LINGO2: variants seen among roughly 807,000 people sequenced by gnomAD.
The protein encoded by LINGO2 is leucine-rich repeat and immunoglobulin-like domain-containing nogo receptor-interacting protein 2.
LINGO2 carries 14 observed loss-of-function variants against 30.6 expected under a neutral mutation model. That is an observed-to-expected ratio of 0.46 (90% CI 0.30 to 0.72). The LOEUF is 0.72. LINGO2 is among the 30% of genes least tolerant of loss of function. The pLI is 0.07. For missense variants in LINGO2, 729 were observed against 751.7 expected, an observed-to-expected ratio of 0.97 and a Z score of 0.35; for synonymous variants, 317 against 288.5, an observed-to-expected ratio of 1.10 and a Z score of -1.00.
chr9:28,666,502 T>A (rs1189917701), intron 1 of LINGO2, among the ~76,000 whole-genome samples: 7 of 152,190 alleles, frequency 4.6e-5, no homozygotes. Flanking sequence ...TGCTTTAAAA[T>A]GGCTCTAAAA....
the LINGO2 span, among the ~76,000 whole-genome samples, chr9:28,769,395 T>C: frequency 7.0e-6 from 1 of 143,318 alleles, no homozygotes; most frequent in East Asian, 2.0e-4. Context: ...TTTCTTTAAG[T>C]ACAAGACATT....
chr9:29,027,360 CAG>C, the LINGO2 span, among the ~76,000 whole-genome samples: 154 of 152,228 alleles, frequency 1.0e-3, no homozygotes, highest in Non-Finnish European at 1.6e-3. Flanking sequence ...TTATTTGAGA[CAG>C]AGTCTCGCAT....
chr9:28,062,437 T>C (rs1429897828), intron 4 of LINGO2, among the ~76,000 whole-genome samples: 1 of 144,188 alleles, frequency 6.9e-6, no homozygotes, highest in Non-Finnish European at 1.5e-5. Flanking sequence ...ATATACTATA[T>C]ACATATATAT....
chr9:28,171,803 T>C (rs1427877571), intron 4 of LINGO2, among the ~76,000 whole-genome samples: 8 of 148,708 alleles, frequency 5.4e-5, no homozygotes, highest in Non-Finnish European at 1.2e-4. Context: ...GGTCAGGAGA[T>C]GGACACCATG....
At chr9:28,443,810 A>G (rs1166641704) in intron 2 of LINGO2, among the ~76,000 whole-genome samples, 5 of 152,260 alleles carry the variant, frequency 3.3e-5, no homozygotes, top group African/African-American at 7.2e-5. Context: ...TGGTGGCAGG[A>G]GGCAGACAGG....
At chr9:28,702,150 C>T in the LINGO2 span, among the ~76,000 whole-genome samples, 2 of 151,830 alleles carry the variant, frequency 1.3e-5, no homozygotes, top group Non-Finnish European at 2.9e-5. Context: ...GACATCAAGT[C>T]CCATTATGTT....
chr9:28,077,960 G>C (rs1825673342), intron 4 of LINGO2, among the ~76,000 whole-genome samples: 1 of 149,156 alleles, frequency 6.7e-6, no homozygotes, highest in African/African-American at 2.6e-5. Flanking sequence ...GTCAACTCTA[G>C]AGAATGATGT....
chr9:27,974,916 G>C (rs1325347107), intron 5 of LINGO2, among the ~76,000 whole-genome samples: 1 of 152,122 alleles, frequency 6.6e-6, no homozygotes, highest in Non-Finnish European at 1.5e-5. Flanking sequence ...TTCAGGAAAT[G>C]CTTGCTGTAA....
At chr9:28,350,477 C>T (rs1193798827) in intron 3 of LINGO2, among the ~76,000 whole-genome samples, 1 of 149,326 alleles carries the variant, frequency 6.7e-6, no homozygotes. Context: ...GCACCCAATA[C>T]AGGAGCACCA....
the LINGO2 span, among the ~76,000 whole-genome samples, chr9:29,133,656 A>T: frequency 6.6e-6 from 1 of 152,184 alleles, no homozygotes; most frequent in South Asian, 2.1e-4. Flanking sequence ...TAACTGACAC[A>T]TTTATTTATT....
intron 4 of LINGO2, among the ~76,000 whole-genome samples, chr9:28,062,240 T>A (rs530289667): frequency 6.6e-6 from 1 of 152,144 alleles, no homozygotes; most frequent in Non-Finnish European, 1.5e-5. Context: ...GCCACAGGAT[T>A]GGTGACTACC....
At chr9:28,046,221 A>G (rs1241140295) in intron 4 of LINGO2, among the ~76,000 whole-genome samples, 3 of 152,180 alleles carry the variant, frequency 2.0e-5, no homozygotes, top group Admixed American at 6.6e-5. Context: ...ATTGCATTGA[A>G]TGCTATAAAA....
chr9:28,314,030 G>T (rs1019565611), intron 3 of LINGO2, among the ~76,000 whole-genome samples: 1 of 152,086 alleles, frequency 6.6e-6, no homozygotes, highest in Non-Finnish European at 1.5e-5. Flanking sequence ...ACCCCGCGGG[G>T]TTCCCGCCAT....
At chr9:28,972,631 T>C in the LINGO2 span, among the ~76,000 whole-genome samples, 1 of 152,184 alleles carries the variant, frequency 6.6e-6, no homozygotes, top group Non-Finnish European at 1.5e-5. Context: ...GACGTATTAG[T>C]CTGTTCTCAT....
At chr9:28,722,279 T>A in the LINGO2 span, among the ~76,000 whole-genome samples, 1 of 152,124 alleles carries the variant, frequency 6.6e-6, no homozygotes, top group African/African-American at 2.4e-5. Context: ...AGAAAAAGTA[T>A]CCCTTCCTTT....
At chr9:29,158,178 A>C in the LINGO2 span, among the ~76,000 whole-genome samples, 3 of 145,938 alleles carry the variant, frequency 2.1e-5, no homozygotes. Flanking sequence ...CTGACACTAC[A>C]CAAAGTAAAA....
intron 4 of LINGO2, among the ~76,000 whole-genome samples, chr9:28,077,881 CTT>C (rs1825671176): frequency 6.7e-6 from 1 of 148,800 alleles, no homozygotes; most frequent in Non-Finnish European, 1.5e-5. Flanking sequence ...AGTTACTTGT[CTT>C]TGTGAAAATG....
At chr9:28,206,301 C>G (rs1023533719) in intron 4 of LINGO2, among the ~76,000 whole-genome samples, 3 of 151,626 alleles carry the variant, frequency 2.0e-5, no homozygotes, top group Non-Finnish European at 4.4e-5. Flanking sequence ...TCCAAATGAT[C>G]AGCACATTTT....
chr9:28,309,618 G>A (rs62555390), intron 3 of LINGO2, among the ~76,000 whole-genome samples: 22,023 of 151,362 alleles, frequency 0.15, 2,193 homozygotes, highest in Non-Finnish European at 0.22. Context: ...ATTAGGGTAA[G>A]CTAAGATTAA....
Sources: allele counts gnomAD v4.1 joint callset (sites outside exome capture counted in the v4.1 genomes callset), GRCh38; gene constraint gnomAD v4.1.1; transcripts MANE v1.5; gene names NCBI Gene and HGNC (gene_info 2026-07-23, HGNC 2026-07-21).